The following WDR48 variants were observed in gnomAD, a reference collection of about 807,000 sequenced individuals.
The protein encoded by WDR48 is WD repeat domain 48.
Under a neutral mutation model 94.0 loss-of-function variants are expected in WDR48, and 22 were observed. The observed-to-expected ratio is 0.23, with a 90% CI of 0.17 to 0.33. WDR48 has a LOEUF of 0.33. Among genes scored for constraint, WDR48 ranks in the 10% least tolerant of loss-of-function variants. The pLI is 1.00. For missense variants in WDR48, 541 were observed against 813.8 expected (o/e 0.66, Z 4.08); for synonymous variants, 278 against 280.5 (o/e 0.99, Z 0.09).
Position 39,095,153 on chromosome 3 carries a change from A to G in WDR48, c.*410A>G, listed in dbSNP as rs1473535528. ...GCCCACACACTCTGTAGCTTTTCTA[A>G]AACAGTACATTCCATTCATGCAGTA... On this transcript the variant is annotated 3_prime_UTR_variant, in exon 19 of 19. Coordinates refer to ENST00000302313, the MANE Select transcript of WDR48 (RefSeq NM_020839.4). The G allele has an allele frequency of 5.4e-6, 1 of 184,714 alleles. No individual in the cohort carries two copies. The highest frequency in any genetic ancestry group is 1.1e-5 in the Non-Finnish European group (1 of 88,078). The allele number at this position is 184,714 out of a possible 1,614,324, so 11.4% of individuals were successfully genotyped here.
chr3:39,091,702 G>T lies in WDR48; in HGVS notation c.1745+1G>T. ...CTTCAGGAGCAAAAACCTTAAAAAA[G>T]TAAGTAAATATATGGTTTCTTGATC... On this transcript the variant is annotated splice_donor_variant, in intron 17 of 18. Coordinates refer to ENST00000302313, the MANE Select transcript of WDR48 (RefSeq NM_020839.4). LOFTEE classifies it high-confidence loss of function. The T allele has an allele frequency of 6.3e-7, 1 of 1,599,246 alleles. No homozygotes were observed.
chr3:39,092,063 A>C (rs1489515673), intron 17 of WDR48, among the ~76,000 whole-genome samples: 1 of 152,202 alleles, frequency 6.6e-6, no homozygotes, highest in Non-Finnish European at 1.5e-5. Context: ...CTTGTAGTCC[A>C]AGCTAGCCAG....
intron 1 of WDR48, 132 bp from the exon 2 acceptor site, chr3:39,062,918 A>G (rs1180198752): frequency 2.6e-6 from 3 of 1,174,208 alleles, no homozygotes; most frequent in Non-Finnish European, 3.5e-6. Context: ...TAAAATTTAA[A>G]TTTGTATTGG....
rs115107783 is a variant in WDR48, at chr3:39,066,263, G to T, written c.269-285G>T. ...TCCATTCCTTGGTTTTGCAGTCCGA[G>T]TTACAGGAATTTTTCTCAATCACAT... On this transcript the variant is annotated intron_variant, in intron 3 of 18. Coordinates refer to ENST00000302313, the MANE Select transcript of WDR48 (RefSeq NM_020839.4). Among the ~76,000 whole-genome samples the T allele has an allele frequency of 0.014, 2,188 of 152,244 alleles. 20 individuals are homozygous for T. The highest frequency in any genetic ancestry group is 0.018 in the Non-Finnish European group (1,249 of 68,020).
chr3:39,076,342 G>A (rs1399412239), intron 8 of WDR48, among the ~76,000 whole-genome samples: 1 of 152,196 alleles, frequency 6.6e-6, no homozygotes, highest in Non-Finnish European at 1.5e-5. Flanking sequence ...ATGTGTGCAG[G>A]CAGCAGGCTG....
intron 9 of WDR48, among the ~76,000 whole-genome samples, chr3:39,077,669 G>C (rs1348367990): frequency 6.6e-6 from 1 of 152,194 alleles, no homozygotes; most frequent in Non-Finnish European, 1.5e-5. Context: ...AGAGATAGAG[G>C]ATAAACAGAA....
intron 14 of WDR48, among the ~76,000 whole-genome samples, chr3:39,087,019 T>G (rs1368244622): frequency 1.3e-5 from 2 of 152,174 alleles, no homozygotes; most frequent in East Asian, 1.9e-4. Context: ...GTGGGGGTAC[T>G]AAAGACACAT....
At position 39,089,236 on chromosome 3, in the gene WDR48, T is replaced by C. The variant is rs753210221; in HGVS notation, c.1586T>C (p.Leu529Pro). 4 of 1,612,116 alleles carry C rather than the reference T, an allele frequency of 2.5e-6. No individual in the cohort carries two copies. Among genetic ancestry groups the C allele is most frequent in the South Asian group, 1.1e-5 (1 of 90,396 alleles). The change falls in exon 16 of 19, where the codon CTC becomes CCC. Residue 529 changes from leucine (L) to proline (P), a missense_variant. Leu to Pro is a moderately conservative substitution (Grantham distance 98). Around this residue, in one of 5 missense-constraint regions of WDR48, gnomAD observed 109 missense variants for 195.5 expected, o/e 0.56. Transcript: ENST00000302313. ...ACTTGATGGTTTATGTTTAGGCTGCTCTGCCGAGATTCCGGGGGTGAGACT... is the reference window on the plus strand; with the variant it reads ...ACTTGATGGTTTATGTTTAGGCTGCCCTGCCGAGATTCCGGGGGTGAGACT... ...EAGGRTLFRL[L>P]CRDSGGETES... is the part of the protein sequence containing the mutation.
At chr3:39,083,921 A>G (rs893279522) in intron 11 of WDR48, among the ~76,000 whole-genome samples, 65 of 152,344 alleles carry the variant, frequency 4.3e-4, no homozygotes, top group Admixed American at 3.3e-3. Flanking sequence ...TATTATATCA[A>G]TATCAGCACA....
rs1391915852 is a variant in WDR48 at position 39,074,895 on chromosome 3, T to A, written c.842T>A (p.Leu281Gln). ...GRDRKIYCTD[L>Q]RNPDIRVLIC... Reference sequence around the variant, plus strand: ...GACAGGAAGATTTATTGTACAGACCTAAGAAACCCTGACATTCGGGTGCTA... The same window carrying A: ...GACAGGAAGATTTATTGTACAGACCAAAGAAACCCTGACATTCGGGTGCTA... Residue 281 changes from leucine to glutamine, a missense_variant, in exon 8 of 19, where the codon CTA becomes CAA. Around this residue, in one of 5 missense-constraint regions of WDR48, gnomAD observed 238 missense variants for 285.3 expected, o/e 0.83. Transcript: ENST00000302313. 5 of 1,614,106 alleles carry A rather than the reference T, an allele frequency of 3.1e-6. No homozygotes were observed. The highest frequency in any genetic ancestry group is 4.2e-6 in the Non-Finnish European group (5 of 1,180,040).
intron 1 of WDR48, among the ~76,000 whole-genome samples, chr3:39,054,954 C>G (rs1173809780): frequency 1.3e-5 from 2 of 152,220 alleles, no homozygotes; most frequent in Non-Finnish European, 2.9e-5. Flanking sequence ...ATAGATAAGA[C>G]AGGACATGGG....
intron 1 of WDR48, among the ~76,000 whole-genome samples, chr3:39,062,606 T>TGG (rs902795366): frequency 4.6e-5 from 7 of 152,160 alleles, no homozygotes; most frequent in African/African-American, 1.7e-4. Flanking sequence ...TGTGATGGTC[T>TGG]GGAGGCACAA....
chr3:39,067,262 C>T (rs887386085), intron 5 of WDR48, among the ~76,000 whole-genome samples: 3 of 152,110 alleles, frequency 2.0e-5, no homozygotes, highest in South Asian at 2.1e-4. Flanking sequence ...ACAAAGTAGG[C>T]GGTTTTCTGA....
intron 13 of WDR48, 83 bp from the exon 14 acceptor site, chr3:39,085,432 C>T (rs1270990702): frequency 1.8e-6 from 2 of 1,113,578 alleles, no homozygotes; most frequent in Non-Finnish European, 2.7e-6. Flanking sequence ...TATGTACAAA[C>T]TTACAATTTT....
In WDR48 at chr3:39,096,318, CCT is replaced by C. The variant is rs2035329961; in HGVS notation, c.*1576_*1577del. The C allele has an allele frequency of 6.6e-6, 1 of 151,846 alleles. No homozygotes were observed. The highest frequency in any genetic ancestry group is 1.9e-4 in the East Asian group (1 of 5,178). The allele number at this position is 151,846 out of a possible 1,614,324, so 9.4% of individuals were successfully genotyped here. ...AACCAGCTTCTTTTTTTTTAAAAGT[CCT>C]TTCTATCTGTTGGATACAACAGTGT... On this transcript the variant is annotated 3_prime_UTR_variant, in exon 19 of 19. Coordinates refer to ENST00000302313, the MANE Select transcript of WDR48 (RefSeq NM_020839.4).
chr3:39,065,398 C>T (rs779430884), intron 2 of WDR48, among the ~76,000 whole-genome samples: 11 of 152,106 alleles, frequency 7.2e-5, no homozygotes, highest in Non-Finnish European at 1.5e-4. Context: ...CTCATTGCTG[C>T]CCCTGCTGTC....
At chr3:39,094,092 C>T in intron 18 of WDR48, 26 bp downstream of exon 18, 5 of 1,592,776 alleles carry the variant, frequency 3.1e-6, no homozygotes, top group Middle Eastern at 3.4e-4. Context: ...GACTACAGCC[C>T]CAATTTTTCC....
chr3:39,064,186 T>C (rs1292121589), intron 2 of WDR48, among the ~76,000 whole-genome samples: 1 of 152,126 alleles, frequency 6.6e-6, no homozygotes, highest in Non-Finnish European at 1.5e-5. Context: ...CTTCTAATTA[T>C]GTGCCATACG....
intron 8 of WDR48, among the ~76,000 whole-genome samples, chr3:39,076,899 A>G (rs2034254263): frequency 6.6e-6 from 1 of 152,184 alleles, no homozygotes; most frequent in African/African-American, 2.4e-5. Context: ...ACCACACTTA[A>G]AATTATTGGC....
Sources: gnomAD v4.1 joint callset for allele counts (sites outside exome capture counted in the v4.1 genomes callset) on GRCh38, gnomAD v4.1.1 for gene constraint, gnomAD v4.1.1 regional missense constraint, MANE v1.5 for transcripts, NCBI Gene and HGNC (gene_info 2026-07-23, HGNC 2026-07-21) for gene names.